The following DIP2B variants were observed in gnomAD, a reference collection of about 807,000 sequenced individuals.
The protein encoded by DIP2B is disco-interacting protein 2 homolog B.
In DIP2B, 76 loss-of-function variants were observed where a neutral mutation model predicts 198.0. That is an observed-to-expected ratio of 0.38 (90% confidence interval 0.32 to 0.46). The LOEUF (loss-of-function observed/expected upper bound fraction) is 0.46. Ranked by LOEUF, DIP2B falls within the 20% of genes least tolerant of loss-of-function variation. The pLI is 0.99. For synonymous variants in DIP2B, 701 were observed against 739.1 expected, an observed-to-expected ratio of 0.95 and a Z score of 0.84; for missense variants, 1,559 against 1,978.4, an observed-to-expected ratio of 0.79 and a Z score of 4.02.
intron 3 of DIP2B, among the ~76,000 whole-genome samples, chr12:50,642,094 CAGAAGG>C (rs1938266258): frequency 6.6e-6 from 1 of 151,392 alleles, no homozygotes; most frequent in Admixed American, 6.6e-5. Flanking sequence ...TTTTCACACA[CAGAAGG>C]AGAAAAGGAT....
Position 50,581,449 on chromosome 12 carries a change from G to A in DIP2B, c.101-44527G>A, listed in dbSNP as rs780825730. On this transcript the variant is annotated intron_variant, in intron 1 of 37. Transcript: ENST00000301180. ...GCCCAATAGGAGTGTGATTCTTTCC[G>A]GCTGTATGCTGTACAGTTGACCTTG... 1.1e-4 allele frequency among the ~76,000 whole-genome samples: 17 copies of A among 149,310 alleles called. 1 individual carries two copies. The highest frequency in any genetic ancestry group is 2.1e-4 in the Admixed American group (3 of 14,596).
At chr12:50,637,013 A>C (rs898216967) in intron 2 of DIP2B, among the ~76,000 whole-genome samples, 45 of 152,238 alleles carry the variant, frequency 3.0e-4, no homozygotes, top group African/African-American at 1.0e-3. Context: ...TCAAAGGAAG[A>C]CTGTCCTCAA....
chr12:50,567,145 A>G (rs1958572137), intron 1 of DIP2B, among the ~76,000 whole-genome samples: 1 of 152,104 alleles, frequency 6.6e-6, no homozygotes, highest in Non-Finnish European at 1.5e-5. Flanking sequence ...TGGTTCTTTA[A>G]AAAACACTTT....
intron 13 of DIP2B, among the ~76,000 whole-genome samples, chr12:50,692,085 A>T (rs1939232706): frequency 6.6e-6 from 1 of 151,950 alleles, no homozygotes; most frequent in African/African-American, 2.4e-5. Context: ...ATATATATAT[A>T]ATACATTCAT....
intron 2 of DIP2B, among the ~76,000 whole-genome samples, chr12:50,639,944 A>G (rs1938225154): frequency 6.6e-6 from 1 of 152,206 alleles, no homozygotes; most frequent in African/African-American, 2.4e-5. Flanking sequence ...GCAGGAAATG[A>G]GGCATTGCTG....
chr12:50,507,516 A>G (rs770821317), intron 1 of DIP2B, among the ~76,000 whole-genome samples: 12 of 152,168 alleles, frequency 7.9e-5, no homozygotes, highest in Admixed American at 2.0e-4. Context: ...CTGCTCTAAC[A>G]TAAGTACTTT....
chr12:50,538,623 GT>G (rs57823997), intron 1 of DIP2B, among the ~76,000 whole-genome samples: 20 of 151,196 alleles, frequency 1.3e-4, no homozygotes, highest in African/African-American at 3.4e-4. Context: ...TTCTTCCTGA[GT>G]TTTTTTTTGT....
intron 1 of DIP2B, among the ~76,000 whole-genome samples, chr12:50,577,624 A>G (rs1958674805): frequency 6.6e-6 from 1 of 151,292 alleles, no homozygotes; most frequent in South Asian, 2.1e-4. Context: ...TATATATAAT[A>G]CACTTTTATA....
chr12:50,632,478 CAA>C lies in DIP2B; in HGVS notation c.172+6448_172+6449del, dbSNP rs756895459. Among the ~76,000 whole-genome samples, 704 of 74,596 alleles carry C rather than the reference CAA, an allele frequency of 9.4e-3. 7 individuals are homozygous for C. The highest frequency in any genetic ancestry group is 0.033 in the African/African-American group (630 of 19,116). The allele number at this position is 74,596 out of a possible 152,430, so 48.9% of individuals were successfully genotyped here. A position where few individuals can be genotyped will look rare whatever the true frequency, so the allele number is the denominator to read the frequency against. ...TGGGTGACACAGCAAGACTCTGTCTCAAAAAAAAAAAAAAAAAAGGTAACATT... is the reference window on the plus strand; with the variant it reads ...TGGGTGACACAGCAAGACTCTGTCTCAAAAAAAAAAAAAAAAGGTAACATT... On this transcript the variant is annotated intron_variant, in intron 2 of 37. Coordinates refer to ENST00000301180, the MANE Select transcript of DIP2B (RefSeq NM_173602.3).
intron 1 of DIP2B, among the ~76,000 whole-genome samples, chr12:50,563,379 A>C (rs1056633049): frequency 7.5e-5 from 11 of 147,442 alleles, no homozygotes; most frequent in African/African-American, 2.8e-4. Context: ...TAGAGGCTGG[A>C]TTTTGCCATA....
chr12:50,694,500 AATAAATACATACATACATACATACATAC>A (rs1194670300), intron 14 of DIP2B, among the ~76,000 whole-genome samples: 6 of 127,038 alleles, frequency 4.7e-5, no homozygotes, highest in Admixed American at 9.2e-5. Context: ...GTCTCAGATA[AATAAATACATACATACATACATACATAC>A]ATACATACAT....
intron 1 of DIP2B, among the ~76,000 whole-genome samples, chr12:50,570,788 AT>A (rs1010197270): frequency 6.6e-6 from 1 of 152,080 alleles, no homozygotes; most frequent in South Asian, 2.1e-4. Context: ...TAAACAAATA[AT>A]TTTTTTTACA....
At chr12:50,652,090 G>A (rs1028451084) in intron 3 of DIP2B, among the ~76,000 whole-genome samples, 2 of 151,824 alleles carry the variant, frequency 1.3e-5, no homozygotes, top group African/African-American at 4.8e-5. Context: ...TGAGGCGGAC[G>A]ATCACGAAGT....
intron 1 of DIP2B, among the ~76,000 whole-genome samples, chr12:50,602,751 C>T (rs1037556995): frequency 6.0e-5 from 9 of 149,324 alleles, no homozygotes; most frequent in East Asian, 2.0e-4. Context: ...CTTAGCTACT[C>T]GGGAGGCTGA....
At chr12:50,527,768 T>G (rs1276461239) in intron 1 of DIP2B, among the ~76,000 whole-genome samples, 2 of 152,176 alleles carry the variant, frequency 1.3e-5, no homozygotes, top group African/African-American at 4.8e-5. Flanking sequence ...AAATAATTAT[T>G]AAGTGTTAAA....
chr12:50,520,888 T>C (rs916804073), intron 1 of DIP2B, among the ~76,000 whole-genome samples: 1 of 152,080 alleles, frequency 6.6e-6, no homozygotes, highest in African/African-American at 2.4e-5. Flanking sequence ...TACAATCATA[T>C]GGGTTTCCTC....
At chr12:50,656,084 A>G (rs1450403293) in intron 3 of DIP2B, among the ~76,000 whole-genome samples, 4 of 152,240 alleles carry the variant, frequency 2.6e-5, no homozygotes, top group Non-Finnish European at 4.4e-5. Flanking sequence ...GAAGGGAATT[A>G]TAAGTGGAAA....
chr12:50,518,843 C>A (rs1958089778), intron 1 of DIP2B, among the ~76,000 whole-genome samples: 1 of 152,150 alleles, frequency 6.6e-6, no homozygotes, highest in Non-Finnish European at 1.5e-5. Context: ...CAACCTCAAA[C>A]TTCTGTACAC....
chr12:50,574,189 ATTATC>A (rs550814700), intron 1 of DIP2B, among the ~76,000 whole-genome samples: 120 of 152,340 alleles, frequency 7.9e-4, no homozygotes, highest in Middle Eastern at 3.4e-3. Context: ...AAAATCTTGA[ATTATC>A]TTATTAAGAT....
Sources: gnomAD v4.1 joint callset for allele counts (sites outside exome capture counted in the v4.1 genomes callset) on GRCh38, gnomAD v4.1.1 for gene constraint, MANE v1.5 for transcripts, NCBI Gene and HGNC (gene_info 2026-07-23, HGNC 2026-07-21) for gene names.